Variants in NLGN1 observed in about 807,000 individuals in gnomAD.
NLGN1 encodes neuroligin 1.
NLGN1 carries 12 observed loss-of-function variants against 65.5 expected under a neutral mutation model. That is an observed-to-expected ratio of 0.18 (90% CI 0.12 to 0.30). The LOEUF is 0.30. Ranked by LOEUF, NLGN1 falls within the 10% of genes least tolerant of loss-of-function variation. The pLI, the probability that NLGN1 is intolerant of heterozygous loss-of-function variation, is 1.00. For missense variants in NLGN1, 750 were observed against 1,007.1 expected (o/e 0.74, Z 3.46); for synonymous variants, 350 against 359.5 (o/e 0.97, Z 0.30).
chr3:173,965,110 G>A (rs1011437058), intron 4 of NLGN1, among the ~76,000 whole-genome samples: 1 of 151,930 alleles, frequency 6.6e-6, no homozygotes, highest in African/African-American at 2.4e-5. Context: ...GCCAAATTTT[G>A]CCATGCTTTC....
chr3:173,628,194 A>G (rs1755105548), intron 3 of NLGN1, among the ~76,000 whole-genome samples: 1 of 152,084 alleles, frequency 6.6e-6, no homozygotes, highest in East Asian at 1.9e-4. Context: ...CTTGCTCTGT[A>G]ACATGTTCTT....
At chr3:174,229,163 A>G (rs766142086) in intron 4 of NLGN1, among the ~76,000 whole-genome samples, 69 of 152,152 alleles carry the variant, frequency 4.5e-4, no homozygotes, top group Non-Finnish European at 9.1e-4. Flanking sequence ...AGAATTATTA[A>G]GAGAACTAAA....
intron 3 of NLGN1, among the ~76,000 whole-genome samples, chr3:173,611,110 G>T (rs949897793): frequency 7.2e-5 from 11 of 151,980 alleles, no homozygotes; most frequent in Non-Finnish European, 1.5e-4. Flanking sequence ...GAGTGCATGG[G>T]CAGAAGTATA....
intron 3 of NLGN1, among the ~76,000 whole-genome samples, chr3:173,755,198 C>T (rs1436165136): frequency 6.6e-6 from 1 of 151,868 alleles, no homozygotes; most frequent in African/African-American, 2.4e-5. Context: ...AAAATTAGAG[C>T]AAAACTGTAC....
Position 174,279,712 on chromosome 3 carries a change from AATAG to A in NLGN1, c.1649+66_1649+69del. The A allele has an allele frequency of 2.0e-6, 2 of 1,006,602 alleles. No individual in the cohort carries two copies. Among genetic ancestry groups the A allele is most frequent in the Non-Finnish European group, 2.9e-6 (2 of 684,806 alleles). The allele number at this position is 1,006,602 out of a possible 1,614,324, so 62.4% of individuals were successfully genotyped here. On this transcript the variant is annotated intron_variant, in intron 6 of 6. Coordinates refer to ENST00000457714, the Ensembl canonical transcript of NLGN1. This position sits in a 1 kb window ranked among gnomAD's most constrained non-coding sequence, Gnocchi z 4.7. ...AATGTTATTTTAACCATTTTAAAAT[AATAG>A]ATATTTATGCCCAGATAATGTCATA...
intron 4 of NLGN1, among the ~76,000 whole-genome samples, chr3:174,093,755 A>G (rs968672647): frequency 1.3e-5 from 2 of 152,178 alleles, no homozygotes; most frequent in East Asian, 1.9e-4. Context: ...TATTCAGGCA[A>G]TCCTTTTAGC....
chr3:174,232,222 G>A (rs1740837920), intron 4 of NLGN1, among the ~76,000 whole-genome samples: 6 of 152,180 alleles, frequency 3.9e-5, no homozygotes, highest in Admixed American at 2.6e-4. Context: ...GGCGGGCAGA[G>A]TGGGGTTCAC....
rs192826312 is a variant in NLGN1, at chr3:174,190,609, A to G, written c.647-84706A>G. Among the ~76,000 whole-genome samples the G allele has an allele frequency of 7.9e-5, 12 of 152,148 alleles. No individual in the cohort carries two copies. The East Asian group carries it at 2.3e-3, about 29-fold the overall frequency. On this transcript the variant is annotated intron_variant, in intron 4 of 6. Transcript: ENST00000457714. ...AAATATTAGACTTATTGATATAACT[A>G]TGTTCATCAAAATTGCCTTATTCAA...
intron 4 of NLGN1, among the ~76,000 whole-genome samples, chr3:174,146,757 G>A (rs1236425493): frequency 1.3e-5 from 2 of 151,692 alleles, no homozygotes; most frequent in African/African-American, 2.4e-5. Context: ...TAGTAGAGAC[G>A]GGGTTTCACC....
At chr3:174,059,352 T>C (rs762722931) in intron 4 of NLGN1, among the ~76,000 whole-genome samples, 19 of 152,130 alleles carry the variant, frequency 1.2e-4, no homozygotes, top group Non-Finnish European at 2.4e-4. Context: ...GATATTATAT[T>C]AGAATTCCGT....
At chr3:173,912,846 G>A (rs564995277) in intron 4 of NLGN1, among the ~76,000 whole-genome samples, 176 of 152,146 alleles carry the variant, frequency 1.2e-3, no homozygotes, top group South Asian at 6.0e-3. Flanking sequence ...CTGGCTAGAC[G>A]AAAATACTAT....
chr3:173,974,380 TTAAA>T (rs1216717879), intron 4 of NLGN1, among the ~76,000 whole-genome samples: 3 of 152,070 alleles, frequency 2.0e-5, no homozygotes, highest in South Asian at 2.1e-4. Context: ...TTACTTTTAC[TTAAA>T]TAAGTAAGTC....
At chr3:174,248,871 C>T (rs1307147446) in intron 4 of NLGN1, among the ~76,000 whole-genome samples, 3 of 152,132 alleles carry the variant, frequency 2.0e-5, no homozygotes, top group African/African-American at 7.2e-5. Flanking sequence ...CATTATAATC[C>T]AATATACAAT....
chr3:174,277,220 A>T (rs928415935), intron 5 of NLGN1, among the ~76,000 whole-genome samples: 1 of 151,752 alleles, frequency 6.6e-6, no homozygotes, highest in Non-Finnish European at 1.5e-5. Flanking sequence ...AATCTCTTGA[A>T]ATCATCAAGC....
At chr3:173,455,451 C>T in intron 2 of NLGN1, among the ~76,000 whole-genome samples, 1 of 152,156 alleles carries the variant, frequency 6.6e-6, no homozygotes, top group Non-Finnish European at 1.5e-5. Flanking sequence ...ATATGTGATT[C>T]AGTGGGGACA....
chr3:174,183,072 A>G (rs755542436), intron 4 of NLGN1, among the ~76,000 whole-genome samples: 3 of 151,754 alleles, frequency 2.0e-5, no homozygotes, highest in Non-Finnish European at 4.4e-5. Context: ...CACCACTTCT[A>G]CCACATGTCA....
intron 3 of NLGN1, among the ~76,000 whole-genome samples, chr3:173,723,474 C>A (rs894951113): frequency 6.6e-6 from 1 of 152,028 alleles, no homozygotes; most frequent in Non-Finnish European, 1.5e-5. Flanking sequence ...TACACAATAA[C>A]TTCTCATTTC....
intron 4 of NLGN1, among the ~76,000 whole-genome samples, chr3:173,989,465 T>C (rs1720634126): frequency 6.6e-6 from 1 of 152,148 alleles, no homozygotes; most frequent in Non-Finnish European, 1.5e-5. Flanking sequence ...TTTCTATACT[T>C]CCATGTCTGA....
At chr3:173,908,842 A>G (rs1738984900) in intron 4 of NLGN1, among the ~76,000 whole-genome samples, 1 of 152,210 alleles carries the variant, frequency 6.6e-6, no homozygotes, top group African/African-American at 2.4e-5. Context: ...TTCTGTTAAC[A>G]TAATTTTGAT....
Sources: allele counts gnomAD v4.1 joint callset (sites outside exome capture counted in the v4.1 genomes callset), GRCh38; gene constraint gnomAD v4.1.1; non-coding constraint Gnocchi (gnomAD v3.1); transcripts MANE v1.5; gene names NCBI Gene and HGNC (gene_info 2026-07-23, HGNC 2026-07-21).